The following E2F3 variants were observed in gnomAD, a reference collection of about 807,000 sequenced individuals.
E2F3 encodes transcription factor E2F3.
A neutral mutation model predicts 44.4 loss-of-function variants in E2F3; 11 were observed. The observed-to-expected ratio is 0.25, with a 90% CI of 0.16 to 0.41. The LOEUF (loss-of-function observed/expected upper bound fraction) is 0.41. Ranked by LOEUF, E2F3 falls within the 10% of genes least tolerant of loss-of-function variation. The probability of loss-of-function intolerance (pLI) is 1.00; values close to 1 mark genes in which losing one functional copy is unlikely to be tolerated. For missense variants in E2F3, 487 were observed against 583.6 expected (o/e 0.83, Z 1.70); for synonymous variants, 249 against 253.0 (o/e 0.98, Z 0.15).
chr6:20,437,611 T>C (rs1760633684), intron 1 of E2F3, among the ~76,000 whole-genome samples: 1 of 152,164 alleles, frequency 6.6e-6, no homozygotes, highest in Non-Finnish European at 1.5e-5. Flanking sequence ...GTTGGTAAAA[T>C]GCATTTTAGA....
At chr6:20,485,281 A>G (rs527587545) in intron 4 of E2F3, among the ~76,000 whole-genome samples, 1 of 152,170 alleles carries the variant, frequency 6.6e-6, no homozygotes, top group Non-Finnish European at 1.5e-5. Flanking sequence ...TTCAGTGCTT[A>G]GAAAAAATGA....
chr6:20,403,890 G>A (rs1283487487), intron 1 of E2F3: 1 of 1,122,396 alleles, frequency 8.9e-7, no homozygotes. Context: ...GGATTCTGTT[G>A]GGGGCTGAAG....
At chr6:20,453,514 A>C (rs1266400355) in intron 1 of E2F3, among the ~76,000 whole-genome samples, 1 of 152,090 alleles carries the variant, frequency 6.6e-6, no homozygotes, top group Non-Finnish European at 1.5e-5. Flanking sequence ...TCCTGTGCTC[A>C]GGTGATTCTC....
At position 20,475,830 on chromosome 6, in the gene E2F3, T is replaced by C. The variant is rs887601457; in HGVS notation, c.394-4016T>C. On this transcript the variant is annotated intron_variant, in intron 1 of 6. Coordinates refer to ENST00000346618, the MANE Select transcript of E2F3 (RefSeq NM_001949.5). Reference sequence around the variant, plus strand: ...TTAATTTGGGCAGAGAATACAGCTCTATGTCTCCTTAGATTGCTTTCTGTA... The same window carrying C: ...TTAATTTGGGCAGAGAATACAGCTCCATGTCTCCTTAGATTGCTTTCTGTA... Among the ~76,000 whole-genome samples the C allele has an allele frequency of 2.6e-5, 4 of 152,336 alleles. No homozygotes were observed. The South Asian group carries it at 6.2e-4, about 24-fold the overall frequency.
chr6:20,434,370 A>G (rs1183060349), intron 1 of E2F3, among the ~76,000 whole-genome samples: 2 of 152,212 alleles, frequency 1.3e-5, no homozygotes, highest in Non-Finnish European at 2.9e-5. Context: ...CTATCTGTAT[A>G]ACTAGGGGTG....
chr6:20,414,044 T>C (rs1301836401), intron 1 of E2F3, among the ~76,000 whole-genome samples: 2 of 152,050 alleles, frequency 1.3e-5, no homozygotes, highest in African/African-American at 4.8e-5. Flanking sequence ...GGCCATCCCG[T>C]TTTCTGAGGG....
intron 3 of E2F3, among the ~76,000 whole-genome samples, 196 bp from the exon 4 acceptor site, chr6:20,482,566 T>C (rs1762261617): frequency 6.9e-6 from 1 of 144,534 alleles, no homozygotes; most frequent in South Asian, 2.1e-4. Context: ...TTCTATGCTG[T>C]GAAAAGTGCA....
At chr6:20,476,342 G>C (rs182322008) in intron 1 of E2F3, among the ~76,000 whole-genome samples, 1 of 152,052 alleles carries the variant, frequency 6.6e-6, no homozygotes, top group Non-Finnish European at 1.5e-5. Flanking sequence ...CTGCACTCCA[G>C]CCTGGGTGAC....
At chr6:20,474,857 C>T (rs1437754133) in intron 1 of E2F3, among the ~76,000 whole-genome samples, 1 of 152,226 alleles carries the variant, frequency 6.6e-6, no homozygotes, top group Non-Finnish European at 1.5e-5. Flanking sequence ...CCCACAAATC[C>T]AGTTCCGCCC....
chr6:20,463,790 A>T (rs544484511), intron 1 of E2F3, among the ~76,000 whole-genome samples: 1 of 152,244 alleles, frequency 6.6e-6, no homozygotes, highest in South Asian at 2.1e-4. Flanking sequence ...TACTTCATCT[A>T]CCCAGAGATA....
At chr6:20,420,617 C>G (rs1759994804) in intron 1 of E2F3, among the ~76,000 whole-genome samples, 1 of 152,310 alleles carries the variant, frequency 6.6e-6, no homozygotes, top group South Asian at 2.1e-4. Context: ...CAGTGGGCAA[C>G]AGCATTATAT....
At chr6:20,449,947 A>C (rs1761072804) in intron 1 of E2F3, among the ~76,000 whole-genome samples, 1 of 152,150 alleles carries the variant, frequency 6.6e-6, no homozygotes, top group African/African-American at 2.4e-5. Flanking sequence ...CAAAGAACAC[A>C]GTCTCATTAT....
At chr6:20,482,381 C>G (rs1225740822) in intron 3 of E2F3, among the ~76,000 whole-genome samples, 1 of 132,278 alleles carries the variant, frequency 7.6e-6, no homozygotes, top group Non-Finnish European at 1.6e-5. Context: ...TCCATCTTCT[C>G]TGTCTTTCTC....
intron 1 of E2F3, among the ~76,000 whole-genome samples, chr6:20,458,333 G>A (rs1332218357): frequency 6.6e-6 from 1 of 152,086 alleles, no homozygotes; most frequent in Non-Finnish European, 1.5e-5. Flanking sequence ...TGAAAGAGAA[G>A]ACTCATATCT....
chr6:20,448,268 C>T (rs1761013856), intron 1 of E2F3, among the ~76,000 whole-genome samples: 1 of 152,182 alleles, frequency 6.6e-6, no homozygotes, highest in South Asian at 2.1e-4. Context: ...AAGGAGTGCT[C>T]TTGCAGACTA....
Position 20,479,829 on chromosome 6 carries a change from G to A in E2F3, c.394-17G>A, listed in dbSNP as rs779571616. On this transcript the variant is annotated splice_polypyrimidine_tract_variant and intron_variant, in intron 1 of 6. Coordinates refer to ENST00000346618, the MANE Select transcript of E2F3 (RefSeq NM_001949.5). ...TCCATATGACCGGTGACGAGAGATCGCACTTTCTTATTACAGGCAAAGCGA... is the reference window on the plus strand; with the variant it reads ...TCCATATGACCGGTGACGAGAGATCACACTTTCTTATTACAGGCAAAGCGA... 1.2e-5 allele frequency: 19 copies of A among 1,599,602 alleles called. No homozygotes were observed. Among genetic ancestry groups the A allele is most frequent in the Admixed American group, 6.8e-5 (4 of 58,626 alleles).
chr6:20,470,290 C>G (rs1244396391), intron 1 of E2F3, among the ~76,000 whole-genome samples: 2 of 152,332 alleles, frequency 1.3e-5, no homozygotes, highest in East Asian at 3.9e-4. Context: ...CCATTGTTTG[C>G]TTGCCTGTAT....
intron 1 of E2F3, among the ~76,000 whole-genome samples, chr6:20,430,273 T>C (rs1314927613): frequency 6.6e-6 from 1 of 152,230 alleles, no homozygotes; most frequent in African/African-American, 2.4e-5. Context: ...TTTGAAATTC[T>C]AATTTAACTT....
At chr6:20,403,675 C>A in intron 1 of E2F3, 1 of 551,618 alleles carries the variant, frequency 1.8e-6, no homozygotes, top group Non-Finnish European at 3.1e-6. Context: ...CACCCGCCCC[C>A]GGCACCGCCA....
Sources: gnomAD v4.1 joint callset for allele counts (sites outside exome capture counted in the v4.1 genomes callset) on GRCh38, gnomAD v4.1.1 for gene constraint, MANE v1.5 for transcripts, NCBI Gene and HGNC (gene_info 2026-07-23, HGNC 2026-07-21) for gene names.